ZCCHC14: variants seen among roughly 807,000 people sequenced by gnomAD.
ZCCHC14 encodes the protein zinc finger CCHC-type containing 14.
ZCCHC14 carries 16 observed loss-of-function variants against 85.0 expected under a neutral mutation model. The ratio of observed to expected loss-of-function variants is 0.19; its 90% CI spans 0.13 to 0.29. The LOEUF is 0.29. ZCCHC14 is among the 10% of genes least tolerant of loss of function. The pLI is 1.00. For synonymous variants in ZCCHC14, 775 were observed against 630.7 expected, an observed-to-expected ratio of 1.23 and a Z score of -3.43; for missense variants, 1,303 against 1,443.5, an observed-to-expected ratio of 0.90 and a Z score of 1.58.
chr16:87,479,371 C>T (rs1229662711), intron 1 of ZCCHC14, among the ~76,000 whole-genome samples: 2 of 150,160 alleles, frequency 1.3e-5, no homozygotes, highest in Non-Finnish European at 2.9e-5. Flanking sequence ...GAGCTGAGAT[C>T]GCACCATTGC....
At chr16:87,439,692 A>AAACACATCTT in intron 2 of ZCCHC14, among the ~76,000 whole-genome samples, 1 of 152,364 alleles carries the variant, frequency 6.6e-6, no homozygotes, top group Admixed American at 6.5e-5. Context: ...CATAGAAAAT[A>AAACACATCTT]AACACATCTT....
At chr16:87,456,533 CAAAAA>C (rs60817141) in intron 2 of ZCCHC14, among the ~76,000 whole-genome samples, 11 of 63,370 alleles carry the variant, frequency 1.7e-4, no homozygotes, top group African/African-American at 3.0e-4. Context: ...ACTCTGTCTC[CAAAAA>C]AAAAAAAAAA....
At chr16:87,471,303 A>C (rs907731917) in intron 1 of ZCCHC14, 2 of 150,482 alleles carry the variant, frequency 1.3e-5, no homozygotes, top group African/African-American at 5.0e-5. Context: ...CAGAACAAGA[A>C]GACAGACAGT....
At chr16:87,459,969 T>C (rs2150758835) in intron 2 of ZCCHC14, 39 bp downstream of exon 2, 1 of 1,613,518 alleles carries the variant, frequency 6.2e-7, no homozygotes, top group African/African-American at 1.3e-5. Flanking sequence ...CCATCCTCCG[T>C]CCGTCAGACG....
chr16:87,439,528 AAAAAC>A (rs1910086727), intron 2 of ZCCHC14, among the ~76,000 whole-genome samples: 3 of 152,380 alleles, frequency 2.0e-5, no homozygotes, highest in African/African-American at 7.2e-5. Flanking sequence ...AAGCTGAATC[AAAAAC>A]CTATGATATT....
In ZCCHC14 at chr16:87,408,128, T is replaced by C. The variant is rs1432879024; in HGVS notation, c.*2152A>G. Reference sequence around the variant, plus strand: ...GTTGAAAAGTTTCTGTTTTAATGTTTTGCTGGATTTAAGGTTAACCTCTAA... The same window carrying C: ...GTTGAAAAGTTTCTGTTTTAATGTTCTGCTGGATTTAAGGTTAACCTCTAA... On this transcript the variant is annotated 3_prime_UTR_variant, in exon 13 of 13. Transcript: ENST00000671377. 6.6e-6 allele frequency: 1 copy of C among 152,658 alleles called. No homozygotes were observed. Among genetic ancestry groups the C allele is most frequent in the Non-Finnish European group, 1.5e-5 (1 of 68,058 alleles). The allele number at this position is 152,658 out of a possible 1,614,324, so 9.5% of individuals were successfully genotyped here.
chr16:87,448,326 CTG>C (rs1160139002), intron 2 of ZCCHC14, among the ~76,000 whole-genome samples: 1 of 152,174 alleles, frequency 6.6e-6, no homozygotes, highest in Admixed American at 6.5e-5. Context: ...CAGGTGAAAT[CTG>C]TTTTGTTGTT....
chr16:87,491,903 G>A lies in ZCCHC14; in HGVS notation c.336C>T (p.Ile112=). Residue 112 remains isoleucine (I), a synonymous_variant, in exon 1 of 13, where the codon ATC becomes ATT. Coordinates refer to ENST00000671377, the MANE Select transcript of ZCCHC14 (RefSeq NM_015144.3). The surrounding 1 kb of genome is among the most constrained non-coding windows in gnomAD (Gnocchi z 5.9). ...AGVLYRTLTH[I]DSIIHNYGLQ... ...GCCCGTAGTTGTGGATGATGGAGTC[G>A]ATGTGCGTGAGCGTGCGGTAGAGCA... 2.6e-6 allele frequency: 4 copies of A among 1,525,898 alleles called. No homozygotes were observed. Among genetic ancestry groups the A allele is most frequent in the East Asian group, 2.7e-5 (1 of 37,372 alleles). 94.5% of individuals were successfully genotyped at this position (1,525,898 alleles called of 1,614,324 possible).
At chr16:87,456,449 C>T (rs935269860) in intron 2 of ZCCHC14, among the ~76,000 whole-genome samples, 2 of 140,498 alleles carry the variant, frequency 1.4e-5, no homozygotes, top group Middle Eastern at 4.1e-3. Flanking sequence ...AAGAGAATGG[C>T]GTGAACCCGG....
intron 1 of ZCCHC14, among the ~76,000 whole-genome samples, chr16:87,487,560 A>AC (rs1462518165): frequency 2.0e-5 from 3 of 152,200 alleles, no homozygotes; most frequent in Non-Finnish European, 2.9e-5. Context: ...TGCACACGGC[A>AC]CCTAGCAATC....
chr16:87,412,424 A>G lies in ZCCHC14; in HGVS notation c.2297T>C (p.Val766Ala). The change falls in exon 12 of 13, where the codon GTC becomes GCC. Residue 766 changes from valine to alanine, a missense_variant. Transcript: ENST00000671377. ...GATGGGCGGACGGGCGGCGTGGAGG[A>G]CTGTGCTGGGCGTCCCCGTGGCGGC... ...STAATGTPSTVLHAARPPIKL... is the reference protein window; with the variant it reads ...STAATGTPSTALHAARPPIKL... 1 of 1,614,062 alleles carries G rather than the reference A, an allele frequency of 6.2e-7. No homozygotes were observed. Among genetic ancestry groups the G allele is most frequent in the Non-Finnish European group, 8.5e-7 (1 of 1,180,020 alleles).
Position 87,492,737 on chromosome 16 carries a change from G to A in ZCCHC14, c.-499C>T, listed in dbSNP as rs1326848580. On this transcript the variant is annotated 5_prime_UTR_variant, in exon 1 of 13. Transcript: ENST00000671377. This position sits in a 1 kb window ranked among gnomAD's most constrained non-coding sequence, Gnocchi z 6.7. ...CGCCGCCCGCGCCTCCGCCCAGGCC[G>A]GCCGTTACCCCGGGCCGCGGGCGCG... 2 of 145,306 alleles carry A rather than the reference G, an allele frequency of 1.4e-5. No individual in the cohort carries two copies. Among genetic ancestry groups the A allele is most frequent in the Non-Finnish European group, 3.0e-5 (2 of 65,626 alleles). 9.0% of individuals were successfully genotyped at this position (145,306 alleles called of 1,614,324 possible). A position where few individuals can be genotyped will look rare whatever the true frequency, so the allele number is the denominator to read the frequency against.
At chr16:87,439,951 T>G (rs1910106425) in intron 2 of ZCCHC14, among the ~76,000 whole-genome samples, 1 of 152,214 alleles carries the variant, frequency 6.6e-6, no homozygotes. Context: ...CACACAATTT[T>G]ATGCTGCTAA....
intron 3 of ZCCHC14, among the ~76,000 whole-genome samples, chr16:87,425,003 C>T (rs1395526365): frequency 1.3e-5 from 2 of 151,162 alleles, no homozygotes; most frequent in Non-Finnish European, 2.9e-5. Context: ...GCTCCCTCAC[C>T]CACACCCACA....
intron 2 of ZCCHC14, among the ~76,000 whole-genome samples, chr16:87,448,598 G>T (rs182901571): frequency 1.3e-5 from 2 of 151,994 alleles, no homozygotes; most frequent in Non-Finnish European, 2.9e-5. Context: ...CTCCACATTC[G>T]GCAATCCTCG....
intron 7 of ZCCHC14, among the ~76,000 whole-genome samples, chr16:87,418,604 C>T (rs1386114478): frequency 6.6e-6 from 1 of 152,214 alleles, no homozygotes; most frequent in African/African-American, 2.4e-5. Flanking sequence ...TGACTTTCTA[C>T]GTCTATGATG....
chr16:87,478,476 T>C (rs1912122464), intron 1 of ZCCHC14, among the ~76,000 whole-genome samples: 1 of 152,136 alleles, frequency 6.6e-6, no homozygotes, highest in South Asian at 2.1e-4. Context: ...GAACCTGGAG[T>C]CAGGAGAATC....
Position 87,413,140 on chromosome 16 carries a change from G to A in ZCCHC14, c.1659C>T (p.Ser553=). The part of the protein sequence containing the change: ...PHHQLPREGS[S]SEYSSSSSSP... ...TGGAGGAGGAGCTGGAGTACTCCGA[G>A]GAACTGCCTTCCCGGGGCAGCTGGT... The change falls in exon 11 of 13, where the codon TCC becomes TCT. Residue 553 remains serine, a synonymous_variant. Transcript: ENST00000671377. The A allele has an allele frequency of 6.2e-7, 1 of 1,610,602 alleles. No individual in the cohort carries two copies. The highest frequency in any genetic ancestry group is 8.5e-7 in the Non-Finnish European group (1 of 1,178,516).
intron 1 of ZCCHC14, chr16:87,473,548 G>T (rs1911871537): frequency 6.6e-6 from 1 of 152,192 alleles, no homozygotes; most frequent in African/African-American, 2.4e-5. Flanking sequence ...ACACAATATT[G>T]TTATTGTGAA....
Sources: gnomAD v4.1 joint callset for allele counts (sites outside exome capture counted in the v4.1 genomes callset) on GRCh38, gnomAD v4.1.1 for gene constraint, Gnocchi (gnomAD v3.1) non-coding constraint, MANE v1.5 for transcripts, NCBI Gene and HGNC (gene_info 2026-07-23, HGNC 2026-07-21) for gene names.